The following SLC25A21 variants were observed in gnomAD, a reference collection of about 807,000 sequenced individuals.
The protein encoded by SLC25A21 is solute carrier family 25 member 21.
Under a neutral mutation model 43.8 loss-of-function variants are expected in SLC25A21, and 47 were observed. The observed-to-expected ratio is 1.07, with a 90% CI of 0.85 to 1.37. SLC25A21 has a LOEUF of 1.37. SLC25A21 is among the 40% of genes most tolerant of loss of function. The pLI, the probability that SLC25A21 is intolerant of heterozygous loss-of-function variation, is 0.00. For missense variants in SLC25A21, 352 were observed against 350.2 expected (o/e 1.00, Z -0.04); for synonymous variants, 131 against 121.3 (o/e 1.08, Z -0.52).
In SLC25A21 at chr14:36,679,277, A is replaced by G; in HGVS notation, c.*1381T>C. ...AAACACGTTGGAAAGGATGTACAACAGAAGGCTATGTATGTATATACAGTA... is the reference window on the plus strand; with the variant it reads ...AAACACGTTGGAAAGGATGTACAACGGAAGGCTATGTATGTATATACAGTA... On this transcript the variant is annotated 3_prime_UTR_variant, in exon 10 of 10. Transcript: ENST00000331299. 1.0e-6 allele frequency: 1 copy of G among 982,062 alleles called. No homozygotes were observed. The highest frequency in any genetic ancestry group is 1.2e-6 in the Non-Finnish European group (1 of 826,834). The allele number at this position is 982,062 out of a possible 1,614,324, so 60.8% of individuals were successfully genotyped here. A position where few individuals can be genotyped will look rare whatever the true frequency, so the allele number is the denominator to read the frequency against.
intron 2 of SLC25A21, among the ~76,000 whole-genome samples, chr14:36,861,473 CA>C (rs1320943026): frequency 6.6e-5 from 10 of 152,204 alleles, no homozygotes; most frequent in Admixed American, 2.0e-4. Context: ...TTCTCTCAAG[CA>C]GCCTCTTTCT....
intron 2 of SLC25A21, among the ~76,000 whole-genome samples, chr14:36,814,516 G>A (rs1402254427): frequency 1.3e-5 from 2 of 152,130 alleles, no homozygotes; most frequent in Non-Finnish European, 2.9e-5. Context: ...CAAAGGATAC[G>A]AACAGACACT....
At chr14:36,762,257 T>C (rs1886185875) in intron 3 of SLC25A21, among the ~76,000 whole-genome samples, 1 of 152,194 alleles carries the variant, frequency 6.6e-6, no homozygotes, top group Non-Finnish European at 1.5e-5. Flanking sequence ...GGGTTAGTTG[T>C]TTTGTATATA....
intron 2 of SLC25A21, among the ~76,000 whole-genome samples, chr14:36,868,340 G>A (rs1890271200): frequency 1.3e-5 from 2 of 152,048 alleles, no homozygotes. Flanking sequence ...GATGTCTCTG[G>A]GGAGGTTCTC....
At chr14:36,842,713 G>GA (rs991477199) in intron 2 of SLC25A21, among the ~76,000 whole-genome samples, 1 of 152,224 alleles carries the variant, frequency 6.6e-6, no homozygotes, top group Admixed American at 6.5e-5. Context: ...AGGAAAAAGA[G>GA]AGAGTAGGGA....
At chr14:36,887,886 G>A (rs571554745) in intron 1 of SLC25A21, among the ~76,000 whole-genome samples, 36 of 152,196 alleles carry the variant, frequency 2.4e-4, no homozygotes, top group South Asian at 8.3e-4. Context: ...GAAGCTCTCA[G>A]TTTGACACAA....
At chr14:37,035,640 C>T (rs1012849287) in intron 1 of SLC25A21, among the ~76,000 whole-genome samples, 2 of 152,122 alleles carry the variant, frequency 1.3e-5, no homozygotes, top group African/African-American at 2.4e-5. Context: ...GCCCAGAGCC[C>T]GATCACTGTG....
At chr14:36,985,818 CAG>C (rs1189624924) in intron 1 of SLC25A21, among the ~76,000 whole-genome samples, 1 of 152,126 alleles carries the variant, frequency 6.6e-6, no homozygotes, top group African/African-American at 2.4e-5. Flanking sequence ...TTATTTGTAT[CAG>C]AGAGAACTCA....
chr14:37,105,800 G>A (rs1305064784), intron 1 of SLC25A21, among the ~76,000 whole-genome samples: 1 of 152,074 alleles, frequency 6.6e-6, no homozygotes, highest in African/African-American at 2.4e-5. Flanking sequence ...TTAGTTTGGA[G>A]TCTGTCATTT....
intron 1 of SLC25A21, among the ~76,000 whole-genome samples, chr14:37,068,612 T>G (rs1466465752): frequency 6.6e-6 from 1 of 152,230 alleles, no homozygotes; most frequent in Non-Finnish European, 1.5e-5. Context: ...TTAAATCTAT[T>G]TTAGTCACTT....
intron 1 of SLC25A21, among the ~76,000 whole-genome samples, chr14:36,989,420 G>A (rs1468237138): frequency 1.3e-5 from 2 of 152,050 alleles, no homozygotes; most frequent in Non-Finnish European, 2.9e-5. Flanking sequence ...TGGGAGGGGG[G>A]TGGCAGATGT....
intron 1 of SLC25A21, among the ~76,000 whole-genome samples, chr14:37,023,350 A>C (rs1961027103): frequency 2.6e-5 from 4 of 151,934 alleles, no homozygotes; most frequent in Admixed American, 2.0e-4. Flanking sequence ...ACAATTGGAC[A>C]CCCATTTGCT....
chr14:37,119,857 T>C (rs1375626302), intron 1 of SLC25A21, among the ~76,000 whole-genome samples: 1 of 152,146 alleles, frequency 6.6e-6, no homozygotes, highest in African/African-American at 2.4e-5. Context: ...AAGATCTTAC[T>C]GTACACTGTT....
At chr14:37,101,570 T>C (rs1686091710) in intron 1 of SLC25A21, among the ~76,000 whole-genome samples, 1 of 152,238 alleles carries the variant, frequency 6.6e-6, no homozygotes, top group Admixed American at 6.5e-5. Context: ...TTTTAATTGT[T>C]AAAAATTTGA....
At chr14:37,167,545 CA>C (rs1276401464) in intron 1 of SLC25A21, among the ~76,000 whole-genome samples, 1 of 152,114 alleles carries the variant, frequency 6.6e-6, no homozygotes, top group Non-Finnish European at 1.5e-5. Flanking sequence ...AGCCCTTTCC[CA>C]AGACAGAACC....
At chr14:36,782,960 TATAAATAA>T (rs1418835612) in intron 3 of SLC25A21, among the ~76,000 whole-genome samples, 3 of 88,442 alleles carry the variant, frequency 3.4e-5, no homozygotes, top group Admixed American at 1.3e-4. Context: ...AATAAAAAAA[TATAAATAA>T]ATAAAAAAAT....
chr14:36,753,894 C>T (rs1885810623), intron 3 of SLC25A21, among the ~76,000 whole-genome samples: 1 of 147,360 alleles, frequency 6.8e-6, no homozygotes, highest in African/African-American at 2.5e-5. Flanking sequence ...TCCATACAAT[C>T]TTGAGATGGC....
chr14:36,992,923 G>A (rs1298192032), intron 1 of SLC25A21, among the ~76,000 whole-genome samples: 1 of 152,088 alleles, frequency 6.6e-6, no homozygotes, highest in African/African-American at 2.4e-5. Context: ...GTTTCCCTTT[G>A]TAAAAAACCC....
chr14:36,921,711 G>C (rs1891985492), intron 1 of SLC25A21, among the ~76,000 whole-genome samples: 1 of 152,140 alleles, frequency 6.6e-6, no homozygotes, highest in South Asian at 2.1e-4. Flanking sequence ...ACAAGAGCAG[G>C]CTTCCAAGGT....
Sources: gnomAD v4.1 joint callset for allele counts (sites outside exome capture counted in the v4.1 genomes callset) on GRCh38, gnomAD v4.1.1 for gene constraint, MANE v1.5 for transcripts, NCBI Gene and HGNC (gene_info 2026-07-23, HGNC 2026-07-21) for gene names.